CDV3: variants seen among roughly 807,000 people sequenced by gnomAD.
The protein encoded by CDV3 is CDV3 homolog.
A neutral mutation model predicts 24.5 loss-of-function variants in CDV3; 14 were observed. That is an observed-to-expected ratio of 0.57 (90% CI 0.38 to 0.89). The LOEUF (loss-of-function observed/expected upper bound fraction) is 0.89. Among genes scored for constraint, CDV3 ranks in the 40% least tolerant of loss-of-function variants. The probability of loss-of-function intolerance (pLI) is 0.00; values close to 1 mark genes in which losing one functional copy is unlikely to be tolerated. For synonymous variants in CDV3, 114 were observed against 114.1 expected (o/e 1.00, Z 0.00); for missense variants, 304 against 310.2 (o/e 0.98, Z 0.15).
In CDV3 at chr3:133,573,891, C is replaced by G. The variant is rs868564831; in HGVS notation, c.-154C>G. ...CTCGCCAGCACGCAGGGGGAGCCGC[C>G]CGTCTCGCCGCGCACGCCTCGGCGA... On this transcript the variant is annotated 5_prime_UTR_variant, in exon 1 of 5. Coordinates refer to ENST00000264993, the MANE Select transcript of CDV3 (RefSeq NM_017548.5). 5 of 430,830 alleles carry G rather than the reference C, an allele frequency of 1.2e-5. No homozygotes were observed. In the Middle Eastern group the frequency reaches 3.5e-3, roughly 301 times the overall value. The allele number at this position is 430,830 out of a possible 1,614,324, so 26.7% of individuals were successfully genotyped here.
chr3:133,582,180 G>A (rs12491777), intron 2 of CDV3, among the ~76,000 whole-genome samples: 67,111 of 151,872 alleles, frequency 0.44, 18,280 homozygotes, highest in East Asian at 0.61. Context: ...TTTTTGACAC[G>A]GAGTCTCGCT....
At chr3:133,575,143 A>G (rs2074755662) in intron 2 of CDV3, 28 bp downstream of exon 2, 3 of 1,256,392 alleles carry the variant, frequency 2.4e-6, no homozygotes, top group South Asian at 1.2e-5. Context: ...ATGTGTTTAG[A>G]TAACCTTTGG....
intron 2 of CDV3, among the ~76,000 whole-genome samples, chr3:133,577,747 A>C (rs532406466): frequency 5.8e-4 from 89 of 152,332 alleles, no homozygotes; most frequent in Middle Eastern, 3.4e-3. Context: ...TGAAAGGGGA[A>C]ATTTTTCATT....
rs1383542331 is a variant in CDV3 at position 133,590,006 on chromosome 3, G to A, written c.*1960G>A. 3.3e-5 allele frequency: 5 copies of A among 152,238 alleles called. No homozygotes were observed. Among genetic ancestry groups the A allele is most frequent in the Non-Finnish European group, 7.3e-5 (5 of 68,040 alleles). 9.4% of individuals were successfully genotyped at this position (152,238 alleles called of 1,614,324 possible). A position where few individuals can be genotyped will look rare whatever the true frequency, so the allele number is the denominator to read the frequency against. On this transcript the variant is annotated 3_prime_UTR_variant, in exon 5 of 5. Transcript: ENST00000264993. ...TTATGTTACTGAAGAATGAACAGAT[G>A]AGTAAGTGGAGGTGTTATGTAAAGG...
At chr3:133,587,219 T>C (rs1307260986) in intron 4 of CDV3, 1 of 1,315,408 alleles carries the variant, frequency 7.6e-7, no homozygotes, top group Non-Finnish European at 9.9e-7. Flanking sequence ...ATCTACATCT[T>C]ACTTTAGGGA....
chr3:133,578,155 A>G (rs1418838506), intron 2 of CDV3, among the ~76,000 whole-genome samples: 7 of 151,922 alleles, frequency 4.6e-5, no homozygotes, highest in Non-Finnish European at 1.0e-4. Context: ...ACCCCTGACT[A>G]ATCTTACTTT....
rs1462571075 is a variant in CDV3 at position 133,587,999 on chromosome 3, T to C, written c.730T>C (p.Tyr244His). ...QALKLQLDNQ[Y>H]AVLENQKSSH... ...CCTTAAACTTCAGCTAGACAACCAA[T>C]ATGCTGTGCTTGAAAATCAGAAAAG... is the stretch of plus-strand genomic sequence containing the variant. The change falls in exon 5 of 5, where the codon TAT (tyrosine) becomes CAT (histidine). Residue 244 changes from tyrosine (Y) to histidine (H), a missense_variant. This residue lies in a region of CDV3 where 56 missense variants were observed against 50.9 expected (regional missense o/e 1.10). Coordinates refer to ENST00000264993, the MANE Select transcript of CDV3 (RefSeq NM_017548.5). 3.1e-6 allele frequency: 5 copies of C among 1,614,036 alleles called. No individual in the cohort carries two copies. The highest frequency in any genetic ancestry group is 1.1e-5 in the South Asian group (1 of 91,086).
intron 2 of CDV3, among the ~76,000 whole-genome samples, chr3:133,582,659 G>T (rs1016364930): frequency 6.6e-6 from 1 of 152,176 alleles, no homozygotes; most frequent in Non-Finnish European, 1.5e-5. Context: ...GAGAGTCAGG[G>T]TGATGAGTAG....
intron 2 of CDV3, among the ~76,000 whole-genome samples, chr3:133,576,271 T>G (rs561621000): frequency 6.6e-6 from 1 of 152,204 alleles, no homozygotes; most frequent in Non-Finnish European, 1.5e-5. Context: ...TTCTTTGTAG[T>G]GGTGTTGAGT....
chr3:133,575,966 T>C (rs1008907401), intron 2 of CDV3, among the ~76,000 whole-genome samples: 2 of 152,214 alleles, frequency 1.3e-5, no homozygotes, highest in African/African-American at 4.8e-5. Flanking sequence ...TGATAAACTG[T>C]CTCCAGTTTG....
At position 133,573,733 on chromosome 3, in the gene CDV3, G is replaced by C. The variant is rs2074694898; in HGVS notation, c.-312G>C. On this transcript the variant is annotated 5_prime_UTR_variant, in exon 1 of 5. Transcript: ENST00000264993. ...CCGAGCACTCTCGCCAGAACCTCTG[G>C]CTCGCGCGTGCCTTTTCCCCTCAGG... The C allele has an allele frequency of 6.6e-6, 1 of 152,106 alleles. No homozygotes were observed. The allele number at this position is 152,106 out of a possible 1,614,324, so 9.4% of individuals were successfully genotyped here.
At chr3:133,581,925 C>T (rs992542805) in intron 2 of CDV3, among the ~76,000 whole-genome samples, 2 of 152,124 alleles carry the variant, frequency 1.3e-5, no homozygotes, top group Non-Finnish European at 2.9e-5. Context: ...TGAGAGATGG[C>T]TTGGCTATAT....
chr3:133,579,743 C>T (rs141872649), intron 2 of CDV3, among the ~76,000 whole-genome samples: 2,105 of 152,238 alleles, frequency 0.014, 39 homozygotes, highest in African/African-American at 0.048. Context: ...GAGGCATGTG[C>T]CACCACGCCT....
Position 133,573,965 on chromosome 3 carries a change from C to G in CDV3, c.-80C>G, listed in dbSNP as rs550544599. Reference sequence around the variant, plus strand: ...GCGCCCGGCAGCGTGAGCGCAGAGCCGGCCTCGACCCCGAGCTCGGAGCCC... The same window carrying G: ...GCGCCCGGCAGCGTGAGCGCAGAGCGGGCCTCGACCCCGAGCTCGGAGCCC... On this transcript the variant is annotated 5_prime_UTR_variant, in exon 1 of 5. Transcript: ENST00000264993. 5 of 996,674 alleles carry G rather than the reference C, an allele frequency of 5.0e-6. No homozygotes were observed. The South Asian group carries it at 1.4e-4, about 28-fold the overall frequency. The allele number at this position is 996,674 out of a possible 1,614,324, so 61.7% of individuals were successfully genotyped here. A position where few individuals can be genotyped will look rare whatever the true frequency, so the allele number is the denominator to read the frequency against.
chr3:133,574,584 G>C (rs1353877825), intron 1 of CDV3: 2 of 992,062 alleles, frequency 2.0e-6, no homozygotes, highest in Non-Finnish European at 2.4e-6. Flanking sequence ...ACAGAGCAGC[G>C]TTTATCGGGT....
chr3:133,582,975 A>T lies in CDV3; in HGVS notation c.318-1027A>T, dbSNP rs559372521. Among the ~76,000 whole-genome samples the T allele has an allele frequency of 9.0e-4, 137 of 152,234 alleles. 1 individual carries two copies. The highest frequency in any genetic ancestry group is 6.8e-4 in the Non-Finnish European group (46 of 68,034). On this transcript the variant is annotated intron_variant, in intron 2 of 4. Transcript: ENST00000264993. The stretch of plus-strand genomic sequence containing the variant: ...CATGTAAAGTTACACAAAATAATAA[A>T]AAGTAATCCAGCAAAAAGAGAAATA...
rs867442354 is a variant in CDV3, at chr3:133,587,485, C to T, written c.627-411C>T. 91 of 1,122,264 alleles carry T rather than the reference C, an allele frequency of 8.1e-5. No individual in the cohort carries two copies. The Middle Eastern group carries it at 1.1e-3, about 14-fold the overall frequency. 69.5% of individuals were successfully genotyped at this position (1,122,264 alleles called of 1,614,324 possible). ...CTAATCAGATCCACTCCCACAAAAT[C>T]GATGTGAGGAGAAATCATTGACTAA... On this transcript the variant is annotated intron_variant, in intron 4 of 4. Coordinates refer to ENST00000264993, the MANE Select transcript of CDV3 (RefSeq NM_017548.5).
At chr3:133,580,051 A>G (rs2074957075) in intron 2 of CDV3, among the ~76,000 whole-genome samples, 2 of 152,174 alleles carry the variant, frequency 1.3e-5, no homozygotes, top group African/African-American at 2.4e-5. Flanking sequence ...TATATGTGCC[A>G]TGGTGGTTTG....
rs1933926969 is a variant in CDV3 at position 133,589,628 on chromosome 3, G to A, written c.*1582G>A. The A allele has an allele frequency of 6.6e-6, 1 of 152,652 alleles. No homozygotes were observed. The highest frequency in any genetic ancestry group is 1.9e-4 in the East Asian group (1 of 5,200). 9.5% of individuals were successfully genotyped at this position (152,652 alleles called of 1,614,324 possible). On this transcript the variant is annotated 3_prime_UTR_variant, in exon 5 of 5. Coordinates refer to ENST00000264993, the MANE Select transcript of CDV3 (RefSeq NM_017548.5). ...CTTGCTACTGGCAAGAGTGAAGCAA[G>A]TGGGTGAGTAAAACTATTTTGACGT...
Sources: allele counts gnomAD v4.1 joint callset (sites outside exome capture counted in the v4.1 genomes callset), GRCh38; gene constraint gnomAD v4.1.1; regional missense constraint gnomAD v4.1.1; transcripts MANE v1.5; gene names NCBI Gene and HGNC (gene_info 2026-07-23, HGNC 2026-07-21).